The following SLC24A2 variants were observed in gnomAD, a reference collection of about 807,000 sequenced individuals.
SLC24A2 encodes the protein solute carrier family 24 member 2, also known as sodium/potassium/calcium exchanger 2.
A neutral mutation model predicts 62.0 loss-of-function variants in SLC24A2; 36 were observed. The ratio of observed to expected loss-of-function variants is 0.58; its 90% CI spans 0.44 to 0.77. The LOEUF is 0.77. Ranked by LOEUF, SLC24A2 falls within the 30% of genes least tolerant of loss-of-function variation. SLC24A2 has a pLI of 0.00. For synonymous variants in SLC24A2, 358 were observed against 294.0 expected (o/e 1.22, Z -2.23); for missense variants, 846 against 817.9 (o/e 1.03, Z -0.42).
intron 9 of SLC24A2, among the ~76,000 whole-genome samples, chr9:19,525,310 G>A (rs1563931842): frequency 6.7e-6 from 1 of 149,634 alleles, no homozygotes; most frequent in African/African-American, 2.5e-5. Flanking sequence ...AAAAACCAAG[G>A]TATGCTTTAC....
chr9:19,779,495 T>C (rs1041397321), intron 2 of SLC24A2, among the ~76,000 whole-genome samples: 13 of 152,224 alleles, frequency 8.5e-5, no homozygotes, highest in African/African-American at 2.9e-4. Flanking sequence ...CTCACTACTT[T>C]TGTCCTATAT....
At chr9:19,611,656 G>C (rs1401454298) in intron 4 of SLC24A2, among the ~76,000 whole-genome samples, 1 of 152,034 alleles carries the variant, frequency 6.6e-6, no homozygotes, top group Non-Finnish European at 1.5e-5. Context: ...CCTTTTCTGG[G>C]GAAAGATTCA....
chr9:19,618,006 T>C lies in SLC24A2; in HGVS notation c.1078+1578A>G, dbSNP rs189218398. Among the ~76,000 whole-genome samples, 635 of 152,344 alleles carry C rather than the reference T, an allele frequency of 4.2e-3. 8 individuals are homozygous for C. The highest frequency in any genetic ancestry group is 0.015 in the African/African-American group (604 of 41,580). ...GAGCAGTAGATACATTTGAGATCCA[T>C]GTTGGTGGTGCTATATTTTGTGAAA... is the stretch of plus-strand genomic sequence containing the variant. On this transcript the variant is annotated intron_variant, in intron 4 of 10. Coordinates refer to ENST00000341998, the MANE Select transcript of SLC24A2 (RefSeq NM_020344.4).
chr9:19,972,258 A>G, the SLC24A2 span, among the ~76,000 whole-genome samples: 1 of 152,092 alleles, frequency 6.6e-6, no homozygotes, highest in African/African-American at 2.4e-5. Flanking sequence ...AAGGAAGAAA[A>G]TCTTGATGAG....
chr9:20,081,394 C>T, the SLC24A2 span, among the ~76,000 whole-genome samples: 8 of 147,480 alleles, frequency 5.4e-5, 1 homozygote, highest in South Asian at 6.4e-4. Flanking sequence ...AACCAAACAC[C>T]GCATGTTCTC....
At chr9:20,083,313 T>G in the SLC24A2 span, among the ~76,000 whole-genome samples, 2 of 152,198 alleles carry the variant, frequency 1.3e-5, no homozygotes, top group African/African-American at 4.8e-5. Flanking sequence ...TCCCAGCAGT[T>G]GCGCTGCACC....
chr9:19,719,055 A>C (rs1043722464), intron 2 of SLC24A2, among the ~76,000 whole-genome samples: 1 of 152,156 alleles, frequency 6.6e-6, no homozygotes, highest in African/African-American at 2.4e-5. Context: ...CCTCTCTTCT[A>C]CCTCTACTTC....
intron 2 of SLC24A2, among the ~76,000 whole-genome samples, chr9:19,648,120 C>T (rs1818695153): frequency 6.6e-6 from 1 of 152,088 alleles, no homozygotes; most frequent in African/African-American, 2.4e-5. Flanking sequence ...AGGCAGTGGG[C>T]AATCATTAGT....
chr9:20,088,731 G>C, the SLC24A2 span, among the ~76,000 whole-genome samples: 2 of 152,110 alleles, frequency 1.3e-5, no homozygotes, highest in African/African-American at 4.8e-5. Context: ...TTTTATGCAG[G>C]TCTCTGATCC....
upstream of SLC24A2, among the ~76,000 whole-genome samples, chr9:19,792,494 C>T (rs1823330034): frequency 7.2e-6 from 1 of 138,462 alleles, no homozygotes; most frequent in African/African-American, 2.8e-5. Flanking sequence ...AGTTTGAGAC[C>T]AACCTGGCCA....
chr9:19,679,604 GC>G (rs1490382850), intron 2 of SLC24A2, among the ~76,000 whole-genome samples: 1 of 152,086 alleles, frequency 6.6e-6, no homozygotes, highest in Non-Finnish European at 1.5e-5. Flanking sequence ...TCTATTGAGG[GC>G]CCAAATGGAA....
At chr9:20,116,224 C>T in the SLC24A2 span, among the ~76,000 whole-genome samples, 2 of 152,148 alleles carry the variant, frequency 1.3e-5, no homozygotes, top group Non-Finnish European at 2.9e-5. Flanking sequence ...CACCAGAATG[C>T]CATTCTCATA....
intron 2 of SLC24A2, among the ~76,000 whole-genome samples, chr9:19,700,635 C>A (rs1289558861): frequency 6.6e-6 from 1 of 152,060 alleles, no homozygotes; most frequent in African/African-American, 2.4e-5. Context: ...TTAGGGCAGG[C>A]AGAGTAGGAA....
chr9:20,207,181 T>C, the SLC24A2 span, among the ~76,000 whole-genome samples: 1 of 152,236 alleles, frequency 6.6e-6, no homozygotes, highest in Non-Finnish European at 1.5e-5. Flanking sequence ...ATGCAGACTT[T>C]AGTATCTGAA....
chr9:20,172,215 G>T, the SLC24A2 span, among the ~76,000 whole-genome samples: 1 of 152,062 alleles, frequency 6.6e-6, no homozygotes, highest in Non-Finnish European at 1.5e-5. Context: ...AGTGCTAAGA[G>T]GAAAGTTCAT....
chr9:19,649,277 T>C (rs539870417), intron 2 of SLC24A2, among the ~76,000 whole-genome samples: 1 of 152,296 alleles, frequency 6.6e-6, no homozygotes, highest in South Asian at 2.1e-4. Context: ...TTCATGATAA[T>C]TGACGGGAAG....
At chr9:19,618,776 T>G (rs1476461388) in intron 4 of SLC24A2, among the ~76,000 whole-genome samples, 5 of 152,232 alleles carry the variant, frequency 3.3e-5, no homozygotes, top group Non-Finnish European at 7.3e-5. Context: ...TGAGCCCAAT[T>G]ATAAAGTCCA....
intron 2 of SLC24A2, among the ~76,000 whole-genome samples, chr9:19,664,513 G>T (rs1489399264): frequency 6.6e-6 from 1 of 152,224 alleles, no homozygotes; most frequent in Non-Finnish European, 1.5e-5. Context: ...AAAGTGCAAA[G>T]TTATCAGGCA....
chr9:20,262,304 G>A, the SLC24A2 span, among the ~76,000 whole-genome samples: 1 of 152,136 alleles, frequency 6.6e-6, no homozygotes, highest in Admixed American at 6.5e-5. Flanking sequence ...TGTGACCCTG[G>A]CAAATGAGTT....
Sources: allele counts gnomAD v4.1 joint callset (sites outside exome capture counted in the v4.1 genomes callset), GRCh38; gene constraint gnomAD v4.1.1; transcripts MANE v1.5; gene names NCBI Gene and HGNC (gene_info 2026-07-23, HGNC 2026-07-21).